Variants in ADORA2B observed in about 807,000 individuals in gnomAD.
The protein encoded by ADORA2B is adenosine receptor A2b.
A neutral mutation model predicts 20.8 loss-of-function variants in ADORA2B; 18 were observed. That is an observed-to-expected ratio of 0.87 (90% CI 0.60 to 1.29). The LOEUF (loss-of-function observed/expected upper bound fraction) is 1.29, where lower values mean the gene tolerates loss of function less well. Ranked by LOEUF, ADORA2B falls within the 50% of genes most tolerant of loss-of-function variation. The pLI is 0.00. For synonymous variants in ADORA2B, 179 were observed against 178.3 expected (o/e 1.00, Z -0.03); for missense variants, 441 against 422.7 (o/e 1.04, Z -0.38).
At chr17:15,909,268 A>C in the ADORA2B span, among the ~76,000 whole-genome samples, 3 of 152,158 alleles carry the variant, frequency 2.0e-5, no homozygotes, top group African/African-American at 7.2e-5. Flanking sequence ...TTATCCAAAA[A>C]ACACACAAAA....
At chr17:15,870,196 C>T in the ADORA2B span, among the ~76,000 whole-genome samples, 1 of 147,830 alleles carries the variant, frequency 6.8e-6, no homozygotes, top group Non-Finnish European at 1.5e-5. Context: ...CAATTTGACC[C>T]TTTATAGAAA....
chr17:15,883,776 C>G, the ADORA2B span, among the ~76,000 whole-genome samples: 2 of 152,112 alleles, frequency 1.3e-5, no homozygotes, highest in East Asian at 3.9e-4. Flanking sequence ...TAGAGACGTG[C>G]TTAGGAGGAT....
chr17:15,930,836 T>A, the ADORA2B span, among the ~76,000 whole-genome samples: 1 of 152,250 alleles, frequency 6.6e-6, no homozygotes, highest in Non-Finnish European at 1.5e-5. Context: ...TATTTTTTCA[T>A]TTAGAGAAAA....
the ADORA2B span, among the ~76,000 whole-genome samples, chr17:15,858,241 C>T: frequency 6.6e-6 from 1 of 152,090 alleles, no homozygotes; most frequent in Non-Finnish European, 1.5e-5. Flanking sequence ...ACAAGGGTTT[C>T]TCTGCCTCCT....
the ADORA2B span, among the ~76,000 whole-genome samples, chr17:15,939,088 C>G: frequency 9.3e-4 from 142 of 152,106 alleles, no homozygotes; most frequent in Non-Finnish European, 1.7e-3. Context: ...TTGCCCAGGC[C>G]GGAGTGCAGC....
At chr17:15,877,169 T>C in the ADORA2B span, among the ~76,000 whole-genome samples, 1 of 152,212 alleles carries the variant, frequency 6.6e-6, no homozygotes, top group African/African-American at 2.4e-5. Flanking sequence ...CCCTCAGTTT[T>C]TTATAGCATC....
Position 15,961,272 on chromosome 17 carries a change from T to C in ADORA2B, c.336-13407T>C, listed in dbSNP as rs558415320. Among the ~76,000 whole-genome samples the C allele has an allele frequency of 1.1e-4, 17 of 147,860 alleles. No homozygotes were observed. The South Asian group carries it at 3.4e-3, about 29-fold the overall frequency. On this transcript the variant is annotated intron_variant, in intron 1 of 1. Transcript: ENST00000304222. ...GCCTGGGCAACAGAGTGAGACCTTT[T>C]CTTGGGGAAAAAAAAAAAAAATTAA...
chr17:15,961,073 A>G (rs1216536579), intron 1 of ADORA2B, among the ~76,000 whole-genome samples: 1 of 151,664 alleles, frequency 6.6e-6, no homozygotes, highest in East Asian at 1.9e-4. Flanking sequence ...AGGCTGAGGC[A>G]GGAGAATGGC....
chr17:15,923,208 T>TCTTTTTC, the ADORA2B span, among the ~76,000 whole-genome samples: 1 of 140,346 alleles, frequency 7.1e-6, no homozygotes, highest in African/African-American at 2.7e-5. Flanking sequence ...TTTTTTTAAT[T>TCTTTTTC]TTTTTTTTTT....
chr17:15,915,309 A>AGATTGG, the ADORA2B span, among the ~76,000 whole-genome samples: 1 of 152,188 alleles, frequency 6.6e-6, no homozygotes, highest in Non-Finnish European at 1.5e-5. Context: ...CATGTTAAGT[A>AGATTGG]GATTGGGCCT....
Position 15,975,461 on chromosome 17 carries a change from G to GCTACTC in ADORA2B, c.*120_*121insTACTCC. On this transcript the variant is annotated 3_prime_UTR_variant, in exon 2 of 2. Transcript: ENST00000304222. The stretch of plus-strand genomic sequence containing the variant: ...CAAGGAAATGGACTGCCTCTCTTGA[G>GCTACTC]CACTTCCCTGGAGCTACCACGTATC... 1 of 1,050,030 alleles carries GCTACTC rather than the reference G, an allele frequency of 9.5e-7. No individual in the cohort carries two copies. Among genetic ancestry groups the GCTACTC allele is most frequent in the Non-Finnish European group, 1.4e-6 (1 of 728,312 alleles). 65.0% of individuals were successfully genotyped at this position (1,050,030 alleles called of 1,614,324 possible).
the ADORA2B span, among the ~76,000 whole-genome samples, chr17:15,869,659 G>T: frequency 1.9e-3 from 283 of 152,270 alleles, 2 homozygotes; most frequent in African/African-American, 6.5e-3. Flanking sequence ...GACCTGAGGG[G>T]CCTCTTGAGC....
At chr17:15,941,204 A>G (rs1969741751), upstream of ADORA2B, among the ~76,000 whole-genome samples, 1 of 152,202 alleles carries the variant, frequency 6.6e-6, no homozygotes, top group South Asian at 2.1e-4. Context: ...TCATCACTGC[A>G]GTTGTTTTCC....
the ADORA2B span, among the ~76,000 whole-genome samples, chr17:15,878,318 G>C: frequency 6.6e-6 from 1 of 152,014 alleles, no homozygotes; most frequent in African/African-American, 2.4e-5. Context: ...GGTATGAATG[G>C]GAACTGAGTG....
chr17:15,866,751 G>GCCACTGCCTCTCTTTCCACAGTCTC, the ADORA2B span, among the ~76,000 whole-genome samples: 1 of 149,236 alleles, frequency 6.7e-6, no homozygotes, highest in African/African-American at 2.6e-5. Flanking sequence ...CTCTGCCGCT[G>GCCACTGCCTCTCTTTCCACAGTCTC]CCTCTCTTTC....
chr17:15,938,353 AGTGCAGTG>A, the ADORA2B span, among the ~76,000 whole-genome samples: 3 of 152,276 alleles, frequency 2.0e-5, no homozygotes, highest in South Asian at 6.2e-4. Flanking sequence ...CCTGGGCTGG[AGTGCAGTG>A]GTGCAATCTC....
chr17:15,919,622 C>G, the ADORA2B span, among the ~76,000 whole-genome samples: 1 of 152,276 alleles, frequency 6.6e-6, no homozygotes, highest in Admixed American at 6.5e-5. Flanking sequence ...ACCACCTCCT[C>G]AGCAGGAAAT....
At chr17:15,939,979 A>G in the ADORA2B span, among the ~76,000 whole-genome samples, 7 of 151,756 alleles carry the variant, frequency 4.6e-5, no homozygotes, top group Non-Finnish European at 8.8e-5. Context: ...ATGTGCTTCT[A>G]TATTTATCAT....
intron 1 of ADORA2B, among the ~76,000 whole-genome samples, chr17:15,951,379 C>G (rs935804296): frequency 4.6e-5 from 7 of 152,150 alleles, no homozygotes; most frequent in African/African-American, 1.7e-4. Context: ...GGCTCCTGGT[C>G]CCATGCACAG....
Sources: allele counts gnomAD v4.1 joint callset (sites outside exome capture counted in the v4.1 genomes callset), GRCh38; gene constraint gnomAD v4.1.1; transcripts MANE v1.5; gene names NCBI Gene and HGNC (gene_info 2026-07-23, HGNC 2026-07-21).